CRB1: variants seen among roughly 807,000 people sequenced by gnomAD.
CRB1 encodes the protein crumbs cell polarity complex component 1, also known as protein crumbs homolog 1.
CRB1 carries 83 observed loss-of-function variants against 120.0 expected under a neutral mutation model. That is an observed-to-expected ratio of 0.69 (90% CI 0.58 to 0.83). The LOEUF is 0.83. Among genes scored for constraint, CRB1 ranks in the 40% least tolerant of loss-of-function variants. The pLI, the probability that CRB1 is intolerant of heterozygous loss-of-function variation, is 0.00. For missense variants in CRB1, 1,699 were observed against 1,687.6 expected (o/e 1.01, Z -0.12); for synonymous variants, 625 against 612.5 (o/e 1.02, Z -0.30).
At chr1:197,327,680 G>A (rs2125302304) in intron 1 of CRB1, among the ~76,000 whole-genome samples, 1 of 152,212 alleles carries the variant, frequency 6.6e-6, no homozygotes, top group South Asian at 2.1e-4. Flanking sequence ...AGAAATAATT[G>A]CTTATAGTAA....
At chr1:197,330,350 C>A (rs1658776169) in intron 2 of CRB1, among the ~76,000 whole-genome samples, 1 of 152,168 alleles carries the variant, frequency 6.6e-6, no homozygotes, top group African/African-American at 2.4e-5. Context: ...CTGAACACTG[C>A]CTTTGAAATA....
intron 2 of CRB1, among the ~76,000 whole-genome samples, chr1:197,336,768 A>G (rs564055649): frequency 6.6e-6 from 1 of 152,352 alleles, no homozygotes; most frequent in Admixed American, 6.5e-5. Context: ...GGGATCAGGA[A>G]TGTAAACAAC....
the CRB1 span, among the ~76,000 whole-genome samples, chr1:197,213,056 A>G: frequency 6.6e-6 from 1 of 152,202 alleles, no homozygotes; most frequent in Non-Finnish European, 1.5e-5. Flanking sequence ...CCAAAATGCA[A>G]ACAAACTTCT....
At chr1:197,332,162 AAAAC>A (rs1388146428) in intron 2 of CRB1, among the ~76,000 whole-genome samples, 2 of 152,124 alleles carry the variant, frequency 1.3e-5, no homozygotes, top group African/African-American at 4.8e-5. Flanking sequence ...AACAAAAAAC[AAAAC>A]AAACAAAAAA....
chr1:197,391,566 G>A (rs1018911052), intron 5 of CRB1, among the ~76,000 whole-genome samples: 2 of 152,096 alleles, frequency 1.3e-5, no homozygotes, highest in Admixed American at 6.6e-5. Context: ...CTGATAACAA[G>A]CAAAGCAAGC....
At chr1:197,372,493 T>C (rs1035486026) in intron 5 of CRB1, among the ~76,000 whole-genome samples, 2 of 152,160 alleles carry the variant, frequency 1.3e-5, no homozygotes, top group African/African-American at 4.8e-5. Flanking sequence ...CTTTGTTACA[T>C]TGGTTTGGTT....
the CRB1 span, among the ~76,000 whole-genome samples, chr1:197,260,834 C>T: frequency 1.3e-5 from 2 of 151,874 alleles, no homozygotes; most frequent in African/African-American, 4.8e-5. Flanking sequence ...GTAGCTGGGA[C>T]GACAGGTGTG....
chr1:197,442,976 T>C (rs943162730), intron 11 of CRB1: 2 of 153,890 alleles, frequency 1.3e-5, no homozygotes, highest in African/African-American at 4.8e-5. Flanking sequence ...AATACAAAAG[T>C]AACTGGGAGT....
upstream of CRB1, among the ~76,000 whole-genome samples, chr1:197,266,295 G>T (rs1362649447): frequency 1.3e-5 from 2 of 152,112 alleles, no homozygotes; most frequent in Non-Finnish European, 2.9e-5. Context: ...TTTGGTAGCT[G>T]CCAAGGGCCT....
intron 1 of CRB1, among the ~76,000 whole-genome samples, chr1:197,292,997 G>C (rs1656284236): frequency 6.6e-6 from 1 of 152,034 alleles, no homozygotes; most frequent in African/African-American, 2.4e-5. Context: ...TTTCAAAACT[G>C]ACACAAGACA....
Position 197,427,827 on chromosome 1 carries a change from C to T in CRB1, c.2502C>T (p.Gly834=). Residue 834 remains glycine (G), a synonymous_variant, in exon 7 of 12, where the codon GGC becomes GGT. Transcript: ENST00000367400. ...AGGGAGATGTCATCTACATTGGTGG[C>T]CTACCTGACAAGCAAGAGACTGAAC... ...IEKGDVIYIG[G]LPDKQETELN... 3.1e-6 allele frequency: 5 copies of T among 1,613,998 alleles called. No individual in the cohort carries two copies. Among genetic ancestry groups the T allele is most frequent in the Non-Finnish European group, 4.2e-6 (5 of 1,179,988 alleles).
At chr1:197,251,076 C>G in the CRB1 span, among the ~76,000 whole-genome samples, 1 of 151,868 alleles carries the variant, frequency 6.6e-6, no homozygotes, top group African/African-American at 2.4e-5. Context: ...CATACTTTAT[C>G]TTATTTGGAG....
chr1:197,264,949 A>G (rs190894270), upstream of CRB1, among the ~76,000 whole-genome samples: 182 of 152,164 alleles, frequency 1.2e-3, no homozygotes, highest in Non-Finnish European at 2.1e-3. Context: ...TTTGTTTAAC[A>G]TATTTTCTCA....
At chr1:197,237,934 G>A in the CRB1 span, among the ~76,000 whole-genome samples, 2 of 151,984 alleles carry the variant, frequency 1.3e-5, no homozygotes, top group African/African-American at 4.8e-5. Context: ...TGAGACAGTA[G>A]CTTCAATTAT....
At chr1:197,249,427 A>G in the CRB1 span, among the ~76,000 whole-genome samples, 1 of 151,992 alleles carries the variant, frequency 6.6e-6, no homozygotes, top group Non-Finnish European at 1.5e-5. Context: ...GCTCTTGGAC[A>G]TTTCTGAGTG....
intron 2 of CRB1, among the ~76,000 whole-genome samples, chr1:197,333,683 T>A (rs1183933827): frequency 6.6e-6 from 1 of 152,228 alleles, no homozygotes; most frequent in Non-Finnish European, 1.5e-5. Flanking sequence ...TATGATGAAT[T>A]TCCTTGCAGA....
intron 11 of CRB1, among the ~76,000 whole-genome samples, chr1:197,448,664 T>C (rs987678702): frequency 1.3e-5 from 2 of 152,202 alleles, no homozygotes; most frequent in African/African-American, 4.8e-5. Context: ...CTTTTGTCCT[T>C]CCAGAAATTT....
At chr1:197,369,555 T>C (rs970374033) in intron 5 of CRB1, among the ~76,000 whole-genome samples, 2 of 152,164 alleles carry the variant, frequency 1.3e-5, no homozygotes, top group African/African-American at 2.4e-5. Context: ...CCCTTAGTCA[T>C]TACTTAGGAA....
rs577204263 is a variant in CRB1, at chr1:197,398,680, A to C, written c.1172-22320A>C. Reference sequence around the variant, plus strand: ...GCAAGTCAGCGAACATAAGAAAAGGAAGAGGTTTGGGTATAAAGTGATTAT... The same window carrying C: ...GCAAGTCAGCGAACATAAGAAAAGGCAGAGGTTTGGGTATAAAGTGATTAT... On this transcript the variant is annotated intron_variant, in intron 5 of 11. Coordinates refer to ENST00000367400, the MANE Select transcript of CRB1 (RefSeq NM_201253.3). Among the ~76,000 whole-genome samples the C allele has an allele frequency of 9.9e-5, 15 of 152,270 alleles. No homozygotes were observed. The South Asian group carries it at 3.1e-3, about 32-fold the overall frequency.
Sources: allele counts gnomAD v4.1 joint callset (sites outside exome capture counted in the v4.1 genomes callset), GRCh38; gene constraint gnomAD v4.1.1; transcripts MANE v1.5; gene names NCBI Gene and HGNC (gene_info 2026-07-23, HGNC 2026-07-21).